Variants in ATG7 observed in about 807,000 individuals in gnomAD.
ATG7 encodes autophagy related 7.
A neutral mutation model predicts 82.4 loss-of-function variants in ATG7; 70 were observed. The ratio of observed to expected loss-of-function variants is 0.85; its 90% CI spans 0.70 to 1.04. The LOEUF is 1.04. Ranked by LOEUF, ATG7 falls within the 50% of genes least tolerant of loss-of-function variation. The pLI is 0.00. For synonymous variants in ATG7, 287 were observed against 313.0 expected (o/e 0.92, Z 0.88); for missense variants, 792 against 864.3 (o/e 0.92, Z 1.05).
intron 20 of ATG7, among the ~76,000 whole-genome samples, chr3:11,536,028 C>A (rs1444637009): frequency 6.6e-5 from 10 of 152,150 alleles, no homozygotes; most frequent in Admixed American, 5.9e-4. Flanking sequence ...GCTGGGGCCT[C>A]CATCTCCATG....
rs1203782843 is a variant in ATG7, at chr3:11,375,220, T to C, written c.1876-4752T>C. ...AAGACACTCTATCAAAACAAACAAA[T>C]GAACAAAAAAACCAGAATGGGAGAA... On this transcript the variant is annotated intron_variant, in intron 18 of 20. Coordinates refer to ENST00000693202, the MANE Select transcript of ATG7 (RefSeq NM_001349232.2). Among the ~76,000 whole-genome samples, 3 of 151,884 alleles carry C rather than the reference T, an allele frequency of 2.0e-5. No homozygotes were observed. The East Asian group carries it at 5.8e-4, about 29-fold the overall frequency.
At chr3:11,417,889 A>G (rs2081537771) in intron 19 of ATG7, among the ~76,000 whole-genome samples, 1 of 148,390 alleles carries the variant, frequency 6.7e-6, no homozygotes, top group Non-Finnish European at 1.5e-5. Flanking sequence ...TGGCTCACTG[A>G]AAGCTCTGCC....
chr3:11,432,001 G>T (rs2082937147), intron 20 of ATG7, among the ~76,000 whole-genome samples: 1 of 152,150 alleles, frequency 6.6e-6, no homozygotes, highest in Non-Finnish European at 1.5e-5. Flanking sequence ...CAATGATTTT[G>T]AACTAGGTTA....
At chr3:11,371,273 G>T (rs1391207099) in intron 18 of ATG7, among the ~76,000 whole-genome samples, 2 of 151,134 alleles carry the variant, frequency 1.3e-5, no homozygotes, top group African/African-American at 4.9e-5. Flanking sequence ...TTAGCAGGGG[G>T]ACGTAGAACA....
Position 11,336,063 on chromosome 3 carries a change from A to G in ATG7, c.889+2970A>G, listed in dbSNP as rs534013735. ...TTTTTTTTTTTTTTTTTTTTTTGAGACAGTCTCGCTCTGTTGCCCAGACTG... is the reference window on the plus strand; with the variant it reads ...TTTTTTTTTTTTTTTTTTTTTTGAGGCAGTCTCGCTCTGTTGCCCAGACTG... On this transcript the variant is annotated intron_variant, in intron 11 of 20. Transcript: ENST00000693202. Among the ~76,000 whole-genome samples the G allele has an allele frequency of 3.1e-5, 4 of 128,200 alleles. No homozygotes were observed. The East Asian group carries it at 9.1e-4, about 29-fold the overall frequency. 84.1% of individuals were successfully genotyped at this position (128,200 alleles called of 152,430 possible).
intron 3 of ATG7, among the ~76,000 whole-genome samples, chr3:11,293,854 A>AG (rs1378364450): frequency 1.3e-5 from 2 of 150,212 alleles, no homozygotes; most frequent in African/African-American, 5.0e-5. Flanking sequence ...CCGTATCGAG[A>AG]GAAAAAAAAA....
At chr3:11,327,079 G>A (rs2152746788) in intron 9 of ATG7, among the ~76,000 whole-genome samples, 1 of 152,274 alleles carries the variant, frequency 6.6e-6, no homozygotes, top group South Asian at 2.1e-4. Context: ...TTTGCAGAGG[G>A]GGAGTCCGTG....
chr3:11,407,148 C>G (rs2080421109), intron 19 of ATG7, among the ~76,000 whole-genome samples: 1 of 152,180 alleles, frequency 6.6e-6, no homozygotes, highest in Admixed American at 6.5e-5. Context: ...TGGGTACATA[C>G]AGCCATTCCA....
intron 20 of ATG7, among the ~76,000 whole-genome samples, chr3:11,535,553 C>T (rs1575229916): frequency 6.6e-6 from 1 of 152,152 alleles, no homozygotes; most frequent in Non-Finnish European, 1.5e-5. Flanking sequence ...TGGGGACTCT[C>T]AGGCCAGTGA....
intron 19 of ATG7, among the ~76,000 whole-genome samples, chr3:11,426,566 T>G (rs1576332819): frequency 6.6e-6 from 1 of 152,340 alleles, no homozygotes; most frequent in Admixed American, 6.5e-5. Context: ...TGCATGAAAC[T>G]TACTTTGAGA....
At chr3:11,482,049 C>T (rs1419140281) in intron 20 of ATG7, among the ~76,000 whole-genome samples, 3 of 152,208 alleles carry the variant, frequency 2.0e-5, no homozygotes, top group African/African-American at 4.8e-5. Flanking sequence ...TAATTCTCCA[C>T]GTGTGGGAGC....
At chr3:11,437,391 T>G (rs1413882494) in intron 20 of ATG7, among the ~76,000 whole-genome samples, 1 of 152,160 alleles carries the variant, frequency 6.6e-6, no homozygotes, top group African/African-American at 2.4e-5. Flanking sequence ...CTCCCCTCTG[T>G]GCTTGCTGTG....
intron 20 of ATG7, among the ~76,000 whole-genome samples, chr3:11,495,856 C>T (rs1048153815): frequency 6.6e-6 from 1 of 152,196 alleles, no homozygotes; most frequent in Non-Finnish European, 1.5e-5. Flanking sequence ...TTTATTTTCT[C>T]TTAATGGAAT....
At chr3:11,574,030 C>A in the ATG7 span, among the ~76,000 whole-genome samples, 3 of 152,168 alleles carry the variant, frequency 2.0e-5, no homozygotes, top group African/African-American at 7.2e-5. Flanking sequence ...AGGCCACCAG[C>A]AGCTGAGAGA....
At chr3:11,356,516 T>C (rs1028071739) in intron 14 of ATG7, among the ~76,000 whole-genome samples, 1 of 152,266 alleles carries the variant, frequency 6.6e-6, no homozygotes, top group Non-Finnish European at 1.5e-5. Flanking sequence ...TGATGGGCTC[T>C]AACGTTAGCT....
intron 14 of ATG7, among the ~76,000 whole-genome samples, chr3:11,348,940 G>C (rs1034595150): frequency 6.6e-6 from 1 of 152,036 alleles, no homozygotes; most frequent in African/African-American, 2.4e-5. Context: ...AGTGCTGATT[G>C]GTGCGTTTAC....
rs2071395619 is a variant in ATG7, at chr3:11,547,490, C to G, written c.2080-7321C>G. On this transcript the variant is annotated intron_variant, in intron 20 of 20. Coordinates refer to ENST00000693202, the MANE Select transcript of ATG7 (RefSeq NM_001349232.2). ...CTATGAATACTACTGTGTTTGTGTA[C>G]AAGTTTTTATGTGGACACGTTGTCA... Among the ~76,000 whole-genome samples, 3 of 152,140 alleles carry G rather than the reference C, an allele frequency of 2.0e-5. No individual in the cohort carries two copies. In the South Asian group the frequency reaches 6.2e-4, roughly 32 times the overall value.
intron 20 of ATG7, among the ~76,000 whole-genome samples, chr3:11,486,169 C>G (rs1361541003): frequency 6.6e-6 from 1 of 152,160 alleles, no homozygotes; most frequent in African/African-American, 2.4e-5. Flanking sequence ...TCTTCCTACC[C>G]ATGAGGATGG....
At chr3:11,497,357 C>A (rs1359896312) in intron 20 of ATG7, among the ~76,000 whole-genome samples, 1 of 57,320 alleles carries the variant, frequency 1.7e-5, no homozygotes, top group East Asian at 1.0e-3. Flanking sequence ...ACTAAAAATA[C>A]TATATATATA....
Sources: allele counts gnomAD v4.1 joint callset (sites outside exome capture counted in the v4.1 genomes callset), GRCh38; gene constraint gnomAD v4.1.1; transcripts MANE v1.5; gene names NCBI Gene and HGNC (gene_info 2026-07-23, HGNC 2026-07-21).